PPFIA2: variants seen among roughly 807,000 people sequenced by gnomAD.
PPFIA2 encodes PPFI scaffold protein A2.
PPFIA2 carries 46 observed loss-of-function variants against 175.5 expected under a neutral mutation model. The ratio of observed to expected loss-of-function variants is 0.26; its 90% CI spans 0.21 to 0.34. The LOEUF (loss-of-function observed/expected upper bound fraction) is 0.34, where lower values mean the gene tolerates loss of function less well. PPFIA2 is among the 10% of genes least tolerant of loss of function. The probability of loss-of-function intolerance (pLI) is 1.00; values close to 1 mark genes in which losing one functional copy is unlikely to be tolerated. For missense variants in PPFIA2, 1,179 were observed against 1,506.1 expected, an observed-to-expected ratio of 0.78 and a Z score of 3.60; for synonymous variants, 568 against 511.4, an observed-to-expected ratio of 1.11 and a Z score of -1.49.
chr12:81,642,929 A>C (rs2065515048), intron 4 of PPFIA2, among the ~76,000 whole-genome samples: 1 of 144,938 alleles, frequency 6.9e-6, no homozygotes, highest in African/African-American at 2.5e-5. Flanking sequence ...AAATGTGTAT[A>C]TATAACATAT....
intron 3 of PPFIA2, among the ~76,000 whole-genome samples, chr12:81,748,569 A>G (rs2083342791): frequency 6.9e-6 from 1 of 144,676 alleles, no homozygotes; most frequent in South Asian, 2.3e-4. Flanking sequence ...TGGCTCAGCC[A>G]AGGCTGTCCT....
intron 4 of PPFIA2, among the ~76,000 whole-genome samples, chr12:81,582,526 C>T (rs186962739): frequency 2.6e-5 from 4 of 151,884 alleles, no homozygotes; most frequent in Admixed American, 6.6e-5. Context: ...CACAAATTCT[C>T]CTACCTTTCG....
At chr12:81,480,695 T>C (rs562119158) in intron 4 of PPFIA2, among the ~76,000 whole-genome samples, 153 of 152,234 alleles carry the variant, frequency 1.0e-3, no homozygotes, top group African/African-American at 3.5e-3. Context: ...TTGAGTTTGC[T>C]AGAAGTCCAC....
intron 21 of PPFIA2, among the ~76,000 whole-genome samples, chr12:81,330,720 T>C (rs2055941598): frequency 6.6e-6 from 1 of 152,232 alleles, no homozygotes; most frequent in African/African-American, 2.4e-5. Flanking sequence ...CTCTAACTAC[T>C]ACAATCTGCT....
intron 3 of PPFIA2, among the ~76,000 whole-genome samples, chr12:81,738,405 C>T (rs2081909005): frequency 6.6e-6 from 1 of 151,496 alleles, no homozygotes; most frequent in Non-Finnish European, 1.5e-5. Flanking sequence ...GATGAAAAGC[C>T]AGAAAGAATG....
At chr12:81,342,820 C>T (rs1435956872) in intron 19 of PPFIA2, among the ~76,000 whole-genome samples, 1 of 151,912 alleles carries the variant, frequency 6.6e-6, no homozygotes, top group Non-Finnish European at 1.5e-5. Flanking sequence ...TTATAAAATA[C>T]CCTCTTTGTC....
intron 4 of PPFIA2, among the ~76,000 whole-genome samples, chr12:81,659,943 G>A (rs550065059): frequency 6.6e-6 from 1 of 152,288 alleles, no homozygotes; most frequent in South Asian, 2.1e-4. Flanking sequence ...AAACAGGGTT[G>A]GAGGGAACTC....
At position 81,642,686 on chromosome 12, in the gene PPFIA2, T is replaced by A. The variant is rs893046233; in HGVS notation, c.303+34105A>T. ...TTATATACATACATGTATGTATCTA[T>A]TATATACATACATGTATATGTATGT... is the stretch of plus-strand genomic sequence containing the variant. On this transcript the variant is annotated intron_variant, in intron 4 of 32. Coordinates refer to ENST00000549396, the MANE Select transcript of PPFIA2 (RefSeq NM_003625.5). 4.5e-4 allele frequency among the ~76,000 whole-genome samples: 39 copies of A among 86,962 alleles called. 10 individuals carry two copies. Among genetic ancestry groups the A allele is most frequent in the East Asian group, 9.1e-4 (3 of 3,286 alleles). The allele number at this position is 86,962 out of a possible 152,430, so 57.1% of individuals were successfully genotyped here.
At chr12:81,449,058 T>C (rs1331577026) in intron 5 of PPFIA2, among the ~76,000 whole-genome samples, 3 of 152,100 alleles carry the variant, frequency 2.0e-5, no homozygotes, top group African/African-American at 7.2e-5. Flanking sequence ...TCTGTAAGAG[T>C]CTTCAGTAAC....
At position 81,306,398 on chromosome 12, in the gene PPFIA2, A is replaced by G. The variant is rs116480261; in HGVS notation, c.2643-7016T>C. ...CCTCATGTGGAACATGAAGCTGATA[A>G]CCCATCTAATAGGGTTTTTACAAAG... On this transcript the variant is annotated intron_variant, in intron 22 of 32. Transcript: ENST00000549396. Among the ~76,000 whole-genome samples the G allele has an allele frequency of 6.0e-3, 911 of 152,254 alleles. 8 individuals carry two copies. Among genetic ancestry groups the G allele is most frequent in the African/African-American group, 0.021 (868 of 41,544 alleles).
At chr12:81,645,038 GA>G (rs2065871298) in intron 4 of PPFIA2, among the ~76,000 whole-genome samples, 2 of 151,958 alleles carry the variant, frequency 1.3e-5, no homozygotes, top group South Asian at 4.2e-4. Flanking sequence ...TGGAAATAAA[GA>G]AAAGCTAGAA....
intron 7 of PPFIA2, among the ~76,000 whole-genome samples, chr12:81,423,420 T>C (rs2143958417): frequency 6.6e-6 from 1 of 152,244 alleles, no homozygotes; most frequent in African/African-American, 2.4e-5. Context: ...GAGAGATTTA[T>C]CTCTGGAATG....
At chr12:81,397,253 G>A (rs1239001560) in intron 8 of PPFIA2, among the ~76,000 whole-genome samples, 1 of 151,850 alleles carries the variant, frequency 6.6e-6, no homozygotes, top group African/African-American at 2.4e-5. Context: ...GCTGAGCCCT[G>A]GGGTGAAGAA....
chr12:81,377,802 G>T (rs944777494), intron 9 of PPFIA2, among the ~76,000 whole-genome samples: 3 of 152,090 alleles, frequency 2.0e-5, no homozygotes, highest in Non-Finnish European at 4.4e-5. Context: ...AATAAAAGTG[G>T]TTTTGTGACC....
At chr12:81,675,301 C>T (rs913247714) in intron 4 of PPFIA2, among the ~76,000 whole-genome samples, 7 of 151,776 alleles carry the variant, frequency 4.6e-5, no homozygotes, top group Admixed American at 2.0e-4. Flanking sequence ...ACATTGATGT[C>T]GTTTGCCTTC....
intron 4 of PPFIA2, among the ~76,000 whole-genome samples, chr12:81,665,756 T>C (rs911279548): frequency 1.3e-5 from 2 of 151,840 alleles, no homozygotes; most frequent in Non-Finnish European, 2.9e-5. Flanking sequence ...AAGCCAAAAT[T>C]GACAAATGGG....
At chr12:81,354,638 T>C (rs1177139423) in intron 16 of PPFIA2, among the ~76,000 whole-genome samples, 7 of 150,700 alleles carry the variant, frequency 4.6e-5, no homozygotes, top group Non-Finnish European at 1.5e-5. Flanking sequence ...TCTTAACTCT[T>C]ATTAAGGTTG....
intron 4 of PPFIA2, among the ~76,000 whole-genome samples, chr12:81,533,488 AGACTTT>A (rs1269391386): frequency 6.6e-6 from 1 of 151,668 alleles, no homozygotes; most frequent in Non-Finnish European, 1.5e-5. Context: ...ACTGAGTTAC[AGACTTT>A]CTGCAGTGAT....
At chr12:81,692,996 T>C (rs1011070614) in intron 3 of PPFIA2, among the ~76,000 whole-genome samples, 1 of 152,154 alleles carries the variant, frequency 6.6e-6, no homozygotes, top group African/African-American at 2.4e-5. Flanking sequence ...TTTTAGTTGC[T>C]GAATATATCA....
Sources: gnomAD v4.1 joint callset for allele counts (sites outside exome capture counted in the v4.1 genomes callset) on GRCh38, gnomAD v4.1.1 for gene constraint, MANE v1.5 for transcripts, NCBI Gene and HGNC (gene_info 2026-07-23, HGNC 2026-07-21) for gene names.